Variants in LTF observed in about 807,000 individuals in gnomAD.
LTF encodes epididymis luminal protein 110.
LTF carries 91 observed loss-of-function variants against 87.2 expected under a neutral mutation model. The ratio of observed to expected loss-of-function variants is 1.04; its 90% CI spans 0.88 to 1.24. The LOEUF is 1.24. Among genes scored for constraint, LTF ranks in the 50% most tolerant of loss-of-function variants. The pLI is 0.00. For synonymous variants in LTF, 378 were observed against 356.1 expected (o/e 1.06, Z -0.69); for missense variants, 901 against 904.3 (o/e 1.00, Z 0.05).
At chr3:46,465,129 T>C (rs1484503522), upstream of LTF, 3 of 544,362 alleles carry the variant, frequency 5.5e-6, no homozygotes, top group African/African-American at 3.9e-5. Context: ...TGCGATGTTC[T>C]TTCTCTCCCA....
chr3:46,442,188 G>A lies in LTF; in HGVS notation c.1656-705C>T, dbSNP rs141431498. 3.8e-3 allele frequency among the ~76,000 whole-genome samples: 585 copies of A among 152,172 alleles called. 5 individuals carry two copies. Among genetic ancestry groups the A allele is most frequent in the African/African-American group, 0.013 (535 of 41,486 alleles). On this transcript the variant is annotated intron_variant, in intron 13 of 16. Transcript: ENST00000231751. ...CATAAGTACTGAATATGACATTAGCGTGTTGGGTGCTGAAGAGAGTTGAAG... is the reference window on the plus strand; with the variant it reads ...CATAAGTACTGAATATGACATTAGCATGTTGGGTGCTGAAGAGAGTTGAAG...
intron 1 of LTF, chr3:46,463,680 A>T: frequency 1.0e-6 from 1 of 984,316 alleles, no homozygotes; most frequent in Middle Eastern, 5.2e-4. Flanking sequence ...ACCACAGCCC[A>T]TGACCACTTC....
intron 16 of LTF, 41 bp from the exon 17 acceptor site, chr3:46,436,270 C>A (rs1559589027): frequency 1.3e-6 from 2 of 1,568,950 alleles, no homozygotes; most frequent in African/African-American, 1.3e-5. Flanking sequence ...AAACTGATTT[C>A]TTCCATTAAA....
Position 46,449,891 on chromosome 3 carries a change from G to A in LTF, c.1020C>T (p.Gly340=). 1.2e-6 allele frequency: 2 copies of A among 1,614,154 alleles called. No homozygotes were observed. The highest frequency in any genetic ancestry group is 1.3e-5 in the African/African-American group (1 of 75,036). The change falls in exon 8 of 17, where the codon GGC becomes GGT. Residue 340 remains glycine, a synonymous_variant. Coordinates refer to ENST00000231751, the MANE Select transcript of LTF (RefSeq NM_002343.6). ...TCTGGATGGCAGTGAAGTAGCCGGAGCCAAGGTACAGCCCAGAATCTATCC... is the reference window on the plus strand; with the variant it reads ...TCTGGATGGCAGTGAAGTAGCCGGAACCAAGGTACAGCCCAGAATCTATCC... ...PPRIDSGLYL[G]SGYFTAIQNL...
At chr3:46,471,599 G>C (rs528531027) in intron 1 of LTF, among the ~76,000 whole-genome samples, 1 of 152,198 alleles carries the variant, frequency 6.6e-6, no homozygotes, top group Admixed American at 6.5e-5. Flanking sequence ...GAGCAGAGGA[G>C]GACAAGCCCT....
intron 1 of LTF, chr3:46,460,572 C>A: frequency 2.2e-6 from 1 of 455,858 alleles, no homozygotes; most frequent in Non-Finnish European, 4.4e-6. Context: ...CACCTGGTTG[C>A]CTGATAAAAG....
intron 2 of LTF, among the ~76,000 whole-genome samples, chr3:46,458,485 T>C (rs959674178): frequency 7.0e-6 from 1 of 143,716 alleles, no homozygotes; most frequent in Non-Finnish European, 1.5e-5. Context: ...TTGTGGCTTC[T>C]TTCACATATA....
chr3:46,445,960 A>C (rs971058859), intron 11 of LTF, among the ~76,000 whole-genome samples: 2 of 152,266 alleles, frequency 1.3e-5, no homozygotes, highest in African/African-American at 4.8e-5. Flanking sequence ...GAGAGAATGC[A>C]TCTGACAGAC....
rs1126479 is a variant in LTF, at chr3:46,455,852, A to G, written c.443T>C (p.Ile148Thr). Reference sequence around the variant, plus strand: ...ATTCAAGAATGGACGAAGTGTCCCTATAGGGACATTCCATCCAGCGGTCCT... The same window carrying G: ...ATTCAAGAATGGACGAAGTGTCCCTGTAGGGACATTCCATCCAGCGGTCCT... ...LRRTAGWNVP[I>T]GTLRPFLNWT... The change falls in exon 4 of 17, where the codon ATA (isoleucine) becomes ACA (threonine). Residue 148 changes from isoleucine to threonine, a missense_variant. By Grantham distance (89) the Ile-to-Thr change is moderately conservative. Transcript: ENST00000231751. The G allele has an allele frequency of 2.6e-4, 418 of 1,612,088 alleles. 6 individuals are homozygous for G. The African/African-American group carries it at 5.1e-3, about 20-fold the overall frequency.
At chr3:46,458,077 C>G (rs980867197) in intron 2 of LTF, among the ~76,000 whole-genome samples, 3 of 152,154 alleles carry the variant, frequency 2.0e-5, no homozygotes, top group African/African-American at 7.2e-5. Flanking sequence ...AGCCACCACG[C>G]CCGGCCTTGA....
intron 10 of LTF, among the ~76,000 whole-genome samples, chr3:46,447,019 G>A (rs1702672508): frequency 6.6e-6 from 1 of 152,216 alleles, no homozygotes; most frequent in Non-Finnish European, 1.5e-5. Flanking sequence ...TGTACAGTGT[G>A]TGAAGTGCCA....
At chr3:46,472,714 AG>A (rs1433861540) in intron 1 of LTF, among the ~76,000 whole-genome samples, 1 of 152,042 alleles carries the variant, frequency 6.6e-6, no homozygotes, top group Non-Finnish European at 1.5e-5. Flanking sequence ...TGGAGGAATT[AG>A]GGGGAAGCTG....
chr3:46,443,188 C>T (rs1162733513), intron 13 of LTF, among the ~76,000 whole-genome samples: 1 of 152,242 alleles, frequency 6.6e-6, no homozygotes, highest in East Asian at 1.9e-4. Context: ...AGGCCTACTG[C>T]TGTTGATCTT....
At chr3:46,451,625 C>T (rs1227394079) in intron 6 of LTF, among the ~76,000 whole-genome samples, 3 of 152,130 alleles carry the variant, frequency 2.0e-5, no homozygotes, top group Admixed American at 6.5e-5. Context: ...GACGGAGTCT[C>T]ACTCTGTTGC....
chr3:46,446,861 A>G (rs1156282314), intron 10 of LTF, among the ~76,000 whole-genome samples: 1 of 152,238 alleles, frequency 6.6e-6, no homozygotes, highest in East Asian at 1.9e-4. Context: ...TTCCTTTAAC[A>G]TGAAGTTTAA....
intron 1 of LTF, among the ~76,000 whole-genome samples, chr3:46,477,588 C>T (rs1033810763): frequency 1.3e-5 from 2 of 152,210 alleles, no homozygotes; most frequent in African/African-American, 4.8e-5. Context: ...AATAGGAATA[C>T]TAAAAGCATC....
chr3:46,468,737 C>T (rs549090806), upstream of LTF, among the ~76,000 whole-genome samples: 1 of 152,344 alleles, frequency 6.6e-6, no homozygotes, highest in African/African-American at 2.4e-5. Flanking sequence ...TGGACAATAG[C>T]TTGGCAGATG....
rs951036571 is a variant in LTF at position 46,481,216 on chromosome 3, A to G, written c.-320+3770T>C. 7.9e-5 allele frequency among the ~76,000 whole-genome samples: 12 copies of G among 152,348 alleles called. 1 individual carries two copies. The South Asian group carries it at 2.5e-3, about 32-fold the overall frequency. ...ATCACCCCTGAGCAAGTGGTCCTGT[A>G]GAAGTTAGCAACTGCTTATGGAATC... On this transcript the variant is annotated intron_variant, in intron 1 of 19. Coordinates refer to the LTF transcript ENST00000443496.
In LTF at chr3:46,439,462, C is replaced by T. The variant is rs898066491; in HGVS notation, c.1742G>A (p.Trp581Ter). The T allele has an allele frequency of 1.2e-6, 2 of 1,610,474 alleles. No individual in the cohort carries two copies. Among genetic ancestry groups the T allele is most frequent in the African/African-American group, 2.7e-5 (2 of 74,700 alleles). ...QNTDGNNNEA[W>*]AKDLKLADFA... ...GTCTGCCAGCTTCAAATCCTTAGCC[C>T]ATGCCTCATTGTTATTTCCTGGGGA... The change falls in exon 15 of 17, where the codon TGG becomes TAG. Residue 581 changes from tryptophan (W) to a stop codon, truncating the protein, a stop_gained. Transcript: ENST00000231751. LOFTEE classifies it high-confidence loss of function.
Sources: gnomAD v4.1 joint callset for allele counts (sites outside exome capture counted in the v4.1 genomes callset) on GRCh38, gnomAD v4.1.1 for gene constraint, MANE v1.5 for transcripts, NCBI Gene and HGNC (gene_info 2026-07-23, HGNC 2026-07-21) for gene names.